Variants in BHMT2 observed in about 807,000 individuals in gnomAD.
The protein encoded by BHMT2 is betaine--homocysteine S-methyltransferase 2.
Under a neutral mutation model 39.0 loss-of-function variants are expected in BHMT2, and 28 were observed. That is an observed-to-expected ratio of 0.72 (90% CI 0.53 to 0.98). The LOEUF is 0.98. Ranked by LOEUF, BHMT2 falls within the 50% of genes least tolerant of loss-of-function variation. BHMT2 has a pLI of 0.00. For missense variants in BHMT2, 410 were observed against 455.6 expected (o/e 0.90, Z 0.91); for synonymous variants, 145 against 160.6 (o/e 0.90, Z 0.74).
At chr5:79,077,453 C>G (rs544723825) in intron 1 of BHMT2, 27 bp from the exon 2 acceptor site, 70 of 1,589,528 alleles carry the variant, frequency 4.4e-5, no homozygotes, top group Non-Finnish European at 5.6e-5. Context: ...TAGAGCGGAG[C>G]TTAGGTGCTT....
In BHMT2 at chr5:79,074,249, G is replaced by C. The variant is rs149765528; in HGVS notation, c.34-3231G>C. ...AGTCAGAGTGGTTTGTACTTCTGCA[G>C]CTAAACTGAACATGGGGAGAAAGCT... is the stretch of plus-strand genomic sequence containing the variant. On this transcript the variant is annotated intron_variant, in intron 1 of 7. Coordinates refer to ENST00000255192, the MANE Select transcript of BHMT2 (RefSeq NM_017614.5). 4.3e-3 allele frequency among the ~76,000 whole-genome samples: 658 copies of C among 152,286 alleles called. 7 individuals carry two copies. Among genetic ancestry groups the C allele is most frequent in the African/African-American group, 0.015 (636 of 41,566 alleles).
intron 1 of BHMT2, among the ~76,000 whole-genome samples, 182 bp from the exon 2 acceptor site, chr5:79,077,298 G>C (rs1246655168): frequency 6.6e-6 from 1 of 152,136 alleles, no homozygotes; most frequent in Admixed American, 6.5e-5. Flanking sequence ...GTACAAAATA[G>C]GAACCTGGAT....
chr5:79,082,531 C>G (rs1755805110), intron 4 of BHMT2: 1 of 248,336 alleles, frequency 4.0e-6, no homozygotes, highest in Non-Finnish European at 7.6e-6. Context: ...CTTTGAAAAC[C>G]TCTGGGTGTG....
intron 5 of BHMT2, 59 bp downstream of exon 5, chr5:79,083,015 G>A: frequency 4.4e-6 from 7 of 1,606,128 alleles, no homozygotes; most frequent in Non-Finnish European, 6.0e-6. Flanking sequence ...ATTTAACAAA[G>A]TGTGCTTGAT....
chr5:79,084,858 G>A (rs529722307), intron 7 of BHMT2, among the ~76,000 whole-genome samples: 27 of 152,126 alleles, frequency 1.8e-4, no homozygotes, highest in East Asian at 5.8e-4. Context: ...GTTTTGATTC[G>A]TTACACTTTT....
intron 7 of BHMT2, among the ~76,000 whole-genome samples, chr5:79,087,700 G>T (rs1387360954): frequency 6.6e-6 from 1 of 152,052 alleles, no homozygotes; most frequent in African/African-American, 2.4e-5. Context: ...TTCTTCCTTT[G>T]TCTAACAACA....
In BHMT2 at chr5:79,080,723, A is replaced by T; in HGVS notation, c.295A>T (p.Arg99Trp). Reference sequence around the variant, plus strand: ...AAATGCTGCTGCCTGTGACCTCGCCAGGGAAGTGGCTGGCAAAGGTGATGC... The same window carrying T: ...AAATGCTGCTGCCTGTGACCTCGCCTGGGAAGTGGCTGGCAAAGGTGATGC... ...DVNAAACDLAREVAGKGDALV... is the reference protein window; with the variant it reads ...DVNAAACDLAWEVAGKGDALV... The change falls in exon 4 of 8, where the codon AGG (arginine) becomes TGG (tryptophan). Residue 99 changes from arginine (R) to tryptophan (W), a missense_variant. Arg to Trp is a moderately radical substitution (Grantham distance 101). Transcript: ENST00000255192. 1 of 1,601,712 alleles carries T rather than the reference A, an allele frequency of 6.2e-7. No individual in the cohort carries two copies. Among genetic ancestry groups the T allele is most frequent in the Non-Finnish European group, 8.5e-7 (1 of 1,176,244 alleles).
At chr5:79,078,822 G>A (rs915888460) in intron 2 of BHMT2, among the ~76,000 whole-genome samples, 6 of 152,198 alleles carry the variant, frequency 3.9e-5, no homozygotes, top group African/African-American at 1.4e-4. Flanking sequence ...GAAAGTGCTG[G>A]AATAACAAGA....
rs950577248 is a variant in BHMT2, at chr5:79,082,639, A to C, written c.451-170A>C. ...GTTATAGGAATGAAAATGTTTACTCAGAAAGGTATTCTTTAGTCAGTCTGA... is the reference window on the plus strand; with the variant it reads ...GTTATAGGAATGAAAATGTTTACTCCGAAAGGTATTCTTTAGTCAGTCTGA... On this transcript the variant is annotated intron_variant, in intron 4 of 7. Coordinates refer to ENST00000255192, the MANE Select transcript of BHMT2 (RefSeq NM_017614.5). The C allele has an allele frequency of 9.2e-6, 6 of 653,540 alleles. No homozygotes were observed. In the African/African-American group the frequency reaches 1.1e-4, roughly 12 times the overall value. 40.5% of individuals were successfully genotyped at this position (653,540 alleles called of 1,614,324 possible).
intron 1 of BHMT2, among the ~76,000 whole-genome samples, chr5:79,075,763 A>C (rs929217795): frequency 6.6e-6 from 1 of 152,236 alleles, no homozygotes; most frequent in Admixed American, 6.5e-5. Context: ...GATGTGCTTT[A>C]GACCAAGTGA....
At chr5:79,081,531 T>A (rs1755788944) in intron 4 of BHMT2, among the ~76,000 whole-genome samples, 1 of 152,002 alleles carries the variant, frequency 6.6e-6, no homozygotes, top group Non-Finnish European at 1.5e-5. Context: ...CTGCCTGGGG[T>A]CATGCCTTCA....
intron 1 of BHMT2, among the ~76,000 whole-genome samples, chr5:79,074,842 G>C (rs942944437): frequency 2.6e-5 from 4 of 152,188 alleles, no homozygotes; most frequent in African/African-American, 9.6e-5. Flanking sequence ...CGCAGGAAAT[G>C]TAAATGTCAA....
chr5:79,080,003 T>C (rs574096556), intron 3 of BHMT2, among the ~76,000 whole-genome samples: 6 of 152,370 alleles, frequency 3.9e-5, no homozygotes, highest in South Asian at 4.1e-4. Flanking sequence ...CATGGCTGTC[T>C]TCTTGTGCTA....
chr5:79,084,583 A>T (rs1755858946), intron 7 of BHMT2, among the ~76,000 whole-genome samples: 1 of 152,094 alleles, frequency 6.6e-6, no homozygotes, highest in Admixed American at 6.6e-5. Context: ...TTCATCAGGG[A>T]TGCATCCTCA....
intron 1 of BHMT2, among the ~76,000 whole-genome samples, chr5:79,074,747 C>T (rs1372930243): frequency 2.6e-5 from 4 of 152,150 alleles, no homozygotes; most frequent in Admixed American, 2.0e-4. Context: ...GAAGGATTAG[C>T]GTTGGAGCTG....
intron 1 of BHMT2, among the ~76,000 whole-genome samples, chr5:79,076,153 G>A (rs909159830): frequency 6.6e-6 from 1 of 152,182 alleles, no homozygotes; most frequent in African/African-American, 2.4e-5. Flanking sequence ...GAGCCAGAAG[G>A]GGGATGGAGT....
At position 79,088,777 on chromosome 5, in the gene BHMT2, C is replaced by T. The variant is rs937705946; in HGVS notation, c.*203C>T. On this transcript the variant is annotated 3_prime_UTR_variant, in exon 8 of 8. Coordinates refer to ENST00000255192, the MANE Select transcript of BHMT2 (RefSeq NM_017614.5). The stretch of plus-strand genomic sequence containing the variant: ...CTGTGGTTAAGCACTGCAACAGACT[C>T]TACCAGAGATGCAAAGAGAAGCGAG... 15 of 465,994 alleles carry T rather than the reference C, an allele frequency of 3.2e-5. No homozygotes were observed. The highest frequency in any genetic ancestry group is 2.6e-4 in the African/African-American group (13 of 50,126). 28.9% of individuals were successfully genotyped at this position (465,994 alleles called of 1,614,324 possible).
chr5:79,077,929 CACAA>C (rs903115422), intron 2 of BHMT2: 13 of 204,152 alleles, frequency 6.4e-5, no homozygotes, highest in African/African-American at 2.3e-4. Flanking sequence ...CCACATACAC[CACAA>C]ACACACATAC....
At chr5:79,080,327 T>C (rs1471942554) in intron 3 of BHMT2, among the ~76,000 whole-genome samples, 1 of 152,212 alleles carries the variant, frequency 6.6e-6, no homozygotes, top group African/African-American at 2.4e-5. Flanking sequence ...TGTTAATACG[T>C]GTAAATGTTA....
Sources: allele counts gnomAD v4.1 joint callset (sites outside exome capture counted in the v4.1 genomes callset), GRCh38; gene constraint gnomAD v4.1.1; transcripts MANE v1.5; gene names NCBI Gene and HGNC (gene_info 2026-07-23, HGNC 2026-07-21).